Variants in DIP2C observed in about 807,000 individuals in gnomAD.
The protein encoded by DIP2C is disco-interacting protein 2 homolog C.
Under a neutral mutation model 192.4 loss-of-function variants are expected in DIP2C, and 33 were observed. The ratio of observed to expected loss-of-function variants is 0.17; its 90% confidence interval spans 0.13 to 0.23. The LOEUF is 0.23. Ranked by LOEUF, DIP2C falls within the 10% of genes least tolerant of loss-of-function variation. The pLI is 1.00. For missense variants in DIP2C, 1,537 were observed against 2,110.1 expected (o/e 0.73, Z 5.32); for synonymous variants, 979 against 864.1 (o/e 1.13, Z -2.33).
intron 1 of DIP2C, chr10:650,494 G>T: frequency 1.4e-6 from 1 of 701,194 alleles, no homozygotes; most frequent in Non-Finnish European, 2.6e-6. Flanking sequence ...CTTCTACTGG[G>T]TTCCCTATAC....
At chr10:327,774 T>C (rs1185092007) in intron 30 of DIP2C, among the ~76,000 whole-genome samples, 1 of 152,230 alleles carries the variant, frequency 6.6e-6, no homozygotes, top group South Asian at 2.1e-4. Flanking sequence ...GCTCCATTTA[T>C]GTCCCATTAC....
rs932055895 is a variant in DIP2C, at chr10:390,800, T to C, written c.1324A>G (p.Ser442Gly). ...GGAAGTCCTTTATGGCAGGCGTCAC[T>C]AGTCAAGGCTACAGTAACTCCACAG... ...GSCGVTVALT[S>G]DACHKGLPKS... The change falls in exon 11 of 37, where the codon AGT becomes GGT. Residue 442 changes from serine (S) to glycine (G), a missense_variant. By Grantham distance (56) the Ser-to-Gly change is moderately conservative. This residue lies in a region of DIP2C where 677 missense variants were observed against 989.9 expected (regional missense o/e 0.68). Coordinates refer to ENST00000280886, the MANE Select transcript of DIP2C (RefSeq NM_014974.3). 3 of 1,614,094 alleles carry C rather than the reference T, an allele frequency of 1.9e-6. No homozygotes were observed. Among genetic ancestry groups the C allele is most frequent in the Non-Finnish European group, 1.7e-6 (2 of 1,180,002 alleles).
intron 1 of DIP2C, among the ~76,000 whole-genome samples, chr10:605,347 T>C (rs1588577777): frequency 1.3e-5 from 2 of 152,240 alleles, no homozygotes; most frequent in Non-Finnish European, 2.9e-5. Flanking sequence ...AGATTCCAGA[T>C]TCACTACAGG....
chr10:636,883 G>A lies in DIP2C; in HGVS notation c.85+52611C>T, dbSNP rs766584762. On this transcript the variant is annotated intron_variant, in intron 1 of 36. Transcript: ENST00000280886. The surrounding 1 kb of genome is among the most constrained non-coding windows in gnomAD (Gnocchi z 4.6). ...GTCATACACTTCTCAGCAGCTTCCC[G>A]GTGAGGCTGCTGGTTCACGAGGGGC... Among the ~76,000 whole-genome samples the A allele has an allele frequency of 6.6e-6, 1 of 152,190 alleles. No individual in the cohort carries two copies. The highest frequency in any genetic ancestry group is 6.5e-5 in the Admixed American group (1 of 15,286).
chr10:603,298 C>CTAAAAA (rs1852217499), intron 1 of DIP2C, among the ~76,000 whole-genome samples: 1 of 45,878 alleles, frequency 2.2e-5, no homozygotes, highest in Non-Finnish European at 3.5e-5. Flanking sequence ...GACTCCATCT[C>CTAAAAA]AAAAAAAAAA....
At chr10:686,761 G>A (rs1199626642) in intron 1 of DIP2C, among the ~76,000 whole-genome samples, 2 of 152,236 alleles carry the variant, frequency 1.3e-5, no homozygotes, top group Admixed American at 6.5e-5. Flanking sequence ...TGGAGCCCTC[G>A]GCCCCGCAGC....
intron 1 of DIP2C, among the ~76,000 whole-genome samples, chr10:613,931 C>T (rs529019882): frequency 5.3e-5 from 8 of 152,300 alleles, no homozygotes; most frequent in African/African-American, 1.4e-4. Context: ...GTCACCCTCC[C>T]ATCTGCCCTG....
At chr10:344,711 G>C in intron 28 of DIP2C, 98 bp downstream of exon 28, 1 of 970,652 alleles carries the variant, frequency 1.0e-6, no homozygotes, top group Non-Finnish European at 1.6e-6. Context: ...ATCTCAGTCT[G>C]ACTACACGAG....
At chr10:408,186 G>A (rs563466074) in intron 9 of DIP2C, among the ~76,000 whole-genome samples, 1 of 152,150 alleles carries the variant, frequency 6.6e-6, no homozygotes, top group Non-Finnish European at 1.5e-5. Flanking sequence ...TCCCAGCACT[G>A]TGTGTTGGAA....
intron 1 of DIP2C, among the ~76,000 whole-genome samples, chr10:619,493 T>C (rs1051610485): frequency 2.1e-5 from 3 of 142,628 alleles, no homozygotes; most frequent in Admixed American, 6.9e-5. Context: ...ACGCAGAATA[T>C]CGGGAGCACA....
intron 28 of DIP2C, among the ~76,000 whole-genome samples, chr10:342,042 C>T (rs1272961440): frequency 6.6e-6 from 1 of 152,188 alleles, no homozygotes; most frequent in Admixed American, 6.5e-5. Context: ...TTCTCATTTT[C>T]AATGAGTAAA....
intron 3 of DIP2C, among the ~76,000 whole-genome samples, chr10:452,913 C>G (rs912756329): frequency 6.6e-6 from 1 of 152,162 alleles, no homozygotes; most frequent in Non-Finnish European, 1.5e-5. Context: ...AGCGGATCAC[C>G]GGGAGGCCTG....
intron 3 of DIP2C, among the ~76,000 whole-genome samples, chr10:458,061 A>G (rs1969447948): frequency 1.3e-5 from 2 of 152,116 alleles, no homozygotes; most frequent in African/African-American, 4.8e-5. Flanking sequence ...ATGATTTTAT[A>G]TATCATCTTA....
At chr10:534,568 G>A (rs1588410051) in intron 1 of DIP2C, among the ~76,000 whole-genome samples, 1 of 152,096 alleles carries the variant, frequency 6.6e-6, no homozygotes, top group East Asian at 1.9e-4. Flanking sequence ...GTCAAATGAC[G>A]CCAACACAGG....
chr10:624,433 G>A (rs376800355), intron 1 of DIP2C, among the ~76,000 whole-genome samples: 10 of 152,204 alleles, frequency 6.6e-5, no homozygotes, highest in African/African-American at 1.9e-4. Context: ...GGAAGGCAGC[G>A]CCCGCTCAGC....
intron 9 of DIP2C, among the ~76,000 whole-genome samples, chr10:407,301 A>G (rs542963128): frequency 5.1e-4 from 78 of 152,292 alleles, no homozygotes; most frequent in Middle Eastern, 6.8e-3. Context: ...TATGTGTCAG[A>G]ACTTCCTCCC....
chr10:400,192 T>C lies in DIP2C; in HGVS notation c.1150-973A>G, dbSNP rs972205685. On this transcript the variant is annotated intron_variant, in intron 9 of 36. Coordinates refer to ENST00000280886, the MANE Select transcript of DIP2C (RefSeq NM_014974.3). ...TGAGCACTACTGCATGCAGCTAATT[T>C]TTAAAAAATATCTTTAGATGGGGTC... is the stretch of plus-strand genomic sequence containing the variant. Among the ~76,000 whole-genome samples, 3 of 152,232 alleles carry C rather than the reference T, an allele frequency of 2.0e-5. No homozygotes were observed. In the South Asian group the frequency reaches 6.2e-4, roughly 32 times the overall value.
chr10:321,539 C>T (rs978497634), intron 31 of DIP2C, among the ~76,000 whole-genome samples: 1 of 114,212 alleles, frequency 8.8e-6, no homozygotes, highest in South Asian at 2.9e-4. Flanking sequence ...GCGGGGGCTC[C>T]AGCGAGAGAC....
Position 467,664 on chromosome 10 carries a change from G to A in DIP2C, c.268+4775C>T, listed in dbSNP as rs1037643929. On this transcript the variant is annotated intron_variant, in intron 3 of 36. Transcript: ENST00000280886. ...TCATGTCCTTTGCAGGGACATGGAT[G>A]AAGCTGGAAGCCATCATTCTCAGTC... Among the ~76,000 whole-genome samples, 460 of 150,600 alleles carry A rather than the reference G, an allele frequency of 3.1e-3. 6 individuals are homozygous for A. The highest frequency in any genetic ancestry group is 3.3e-3 in the Non-Finnish European group (221 of 67,896).
Sources: allele counts gnomAD v4.1 joint callset (sites outside exome capture counted in the v4.1 genomes callset), GRCh38; gene constraint gnomAD v4.1.1; regional missense constraint gnomAD v4.1.1; non-coding constraint Gnocchi (gnomAD v3.1); transcripts MANE v1.5; gene names NCBI Gene and HGNC (gene_info 2026-07-23, HGNC 2026-07-21).